LRP1B: variants seen among roughly 807,000 people sequenced by gnomAD.
The protein encoded by LRP1B is LDL receptor related protein 1B.
LRP1B carries 217 observed loss-of-function variants against 556.6 expected under a neutral mutation model. That is an observed-to-expected ratio of 0.39 (90% CI 0.35 to 0.44). The LOEUF (loss-of-function observed/expected upper bound fraction) is 0.44. LRP1B is among the 20% of genes least tolerant of loss of function. The pLI is 1.00. For missense variants in LRP1B, 5,053 were observed against 5,620.8 expected (o/e 0.90, Z 3.23); for synonymous variants, 2,047 against 1,865.8 (o/e 1.10, Z -2.50).
At chr2:141,737,722 A>G (rs534107811) in intron 2 of LRP1B, among the ~76,000 whole-genome samples, 1 of 152,236 alleles carries the variant, frequency 6.6e-6, no homozygotes, top group African/African-American at 2.4e-5. Flanking sequence ...ATTGCTTGTA[A>G]ATCATGTTAG....
intron 3 of LRP1B, among the ~76,000 whole-genome samples, chr2:141,369,110 A>C (rs2105586432): frequency 6.6e-6 from 1 of 152,292 alleles, no homozygotes; most frequent in Admixed American, 6.5e-5. Context: ...AACTAAAATA[A>C]ACATCAGGAC....
intron 86 of LRP1B, among the ~76,000 whole-genome samples, chr2:140,265,575 G>T (rs1179978376): frequency 6.6e-6 from 1 of 151,974 alleles, no homozygotes; most frequent in Non-Finnish European, 1.5e-5. Flanking sequence ...TAGTCCAAAA[G>T]TGCATAAGTT....
intron 23 of LRP1B, among the ~76,000 whole-genome samples, chr2:140,887,321 A>G (rs778838355): frequency 4.6e-5 from 7 of 152,308 alleles, no homozygotes; most frequent in Non-Finnish European, 1.0e-4. Context: ...AAAATTACCT[A>G]ATTTTGGATT....
intron 7 of LRP1B, among the ~76,000 whole-genome samples, chr2:141,179,226 A>G (rs1297229928): frequency 6.6e-6 from 1 of 152,054 alleles, no homozygotes; most frequent in Non-Finnish European, 1.5e-5. Flanking sequence ...CAAACACTTT[A>G]GACAGGTCCC....
At chr2:141,256,261 C>A (rs747584483) in intron 3 of LRP1B, among the ~76,000 whole-genome samples, 58 of 151,676 alleles carry the variant, frequency 3.8e-4, no homozygotes, top group African/African-American at 4.1e-4. Flanking sequence ...AGAATGTAGC[C>A]TAGGTAAAGA....
chr2:140,757,805 T>C (rs774280506), intron 35 of LRP1B, among the ~76,000 whole-genome samples: 1 of 152,078 alleles, frequency 6.6e-6, no homozygotes, highest in Non-Finnish European at 1.5e-5. Context: ...CGCCTGAACC[T>C]GGGAGGCGGA....
chr2:140,612,225 A>G (rs1167861296), intron 41 of LRP1B, among the ~76,000 whole-genome samples: 1 of 152,112 alleles, frequency 6.6e-6, no homozygotes, highest in Admixed American at 6.6e-5. Context: ...ATGAGGTGTA[A>G]TAATTCAGGA....
At chr2:140,714,184 G>A (rs1468788525) in intron 37 of LRP1B, among the ~76,000 whole-genome samples, 2 of 152,144 alleles carry the variant, frequency 1.3e-5, no homozygotes, top group Non-Finnish European at 2.9e-5. Flanking sequence ...GTCTACAAGT[G>A]TCTTTCATAT....
At chr2:141,278,995 T>G (rs912630253) in intron 3 of LRP1B, among the ~76,000 whole-genome samples, 4 of 152,124 alleles carry the variant, frequency 2.6e-5, no homozygotes, top group Non-Finnish European at 5.9e-5. Flanking sequence ...CCTATTTACC[T>G]ATGCAAAAAT....
intron 2 of LRP1B, among the ~76,000 whole-genome samples, chr2:141,579,724 C>CTTT (rs33913417): frequency 0.19 from 19,560 of 100,636 alleles, 3,630 homozygotes; most frequent in East Asian, 0.43. Context: ...TCAGGTTTCA[C>CTTT]TTTTTTTTTT....
chr2:140,624,393 C>T (rs518446), intron 41 of LRP1B, among the ~76,000 whole-genome samples: 76,247 of 151,930 alleles, frequency 0.5, 19,655 homozygotes, highest in African/African-American at 0.62. Context: ...TTTACCATGC[C>T]ATTTGGACCT....
chr2:140,737,233 G>A (rs1248863549), intron 35 of LRP1B, among the ~76,000 whole-genome samples: 1 of 152,156 alleles, frequency 6.6e-6, no homozygotes, highest in Admixed American at 6.5e-5. Context: ...TTACGTAATT[G>A]TGTTGATCCT....
chr2:140,384,233 C>T (rs1306593148), intron 67 of LRP1B, among the ~76,000 whole-genome samples: 2 of 152,120 alleles, frequency 1.3e-5, no homozygotes, highest in Non-Finnish European at 2.9e-5. Flanking sequence ...TCTCAGTTAC[C>T]TCATAGATGA....
At chr2:141,920,446 A>C (rs1377221527) in intron 1 of LRP1B, among the ~76,000 whole-genome samples, 1 of 152,004 alleles carries the variant, frequency 6.6e-6, no homozygotes, top group African/African-American at 2.4e-5. Context: ...GAACAGAAAG[A>C]AGAGAAAGAA....
intron 60 of LRP1B, among the ~76,000 whole-genome samples, chr2:140,463,862 G>A (rs1687424420): frequency 1.3e-5 from 2 of 152,100 alleles, no homozygotes; most frequent in Admixed American, 6.5e-5. Context: ...TTTATACTGG[G>A]ACACTTAAAT....
At chr2:141,545,368 T>C (rs1281918564) in intron 2 of LRP1B, among the ~76,000 whole-genome samples, 1 of 152,210 alleles carries the variant, frequency 6.6e-6, no homozygotes, top group Non-Finnish European at 1.5e-5. Context: ...GTTTGGCCCA[T>C]GGTTTGCATG....
chr2:140,816,199 C>A (rs776811863), intron 31 of LRP1B, among the ~76,000 whole-genome samples: 9 of 151,912 alleles, frequency 5.9e-5, no homozygotes, highest in Non-Finnish European at 1.3e-4. Flanking sequence ...CTCACTACAA[C>A]CTCCACCTCC....
rs1689742579 is a variant in LRP1B at position 140,513,277 on chromosome 2, A to C, written c.8269+1376T>G. On this transcript the variant is annotated intron_variant, in intron 51 of 90. Coordinates refer to ENST00000389484, the MANE Select transcript of LRP1B (RefSeq NM_018557.3). ...CAGATGTGGGAGAAGTCAAGTCTACATGACTTTAGAGACTTTGCCCCTATA... is the reference window on the plus strand; with the variant it reads ...CAGATGTGGGAGAAGTCAAGTCTACCTGACTTTAGAGACTTTGCCCCTATA... Among the ~76,000 whole-genome samples the C allele has an allele frequency of 2.0e-5, 3 of 152,108 alleles. No individual in the cohort carries two copies. The South Asian group carries it at 6.2e-4, about 31-fold the overall frequency.
chr2:141,915,879 A>C (rs781096969), intron 1 of LRP1B, among the ~76,000 whole-genome samples: 3 of 152,216 alleles, frequency 2.0e-5, no homozygotes, highest in Non-Finnish European at 4.4e-5. Flanking sequence ...CGTCAATGAG[A>C]TATCATCTCA....
Sources: gnomAD v4.1 joint callset for allele counts (sites outside exome capture counted in the v4.1 genomes callset) on GRCh38, gnomAD v4.1.1 for gene constraint, MANE v1.5 for transcripts, NCBI Gene and HGNC (gene_info 2026-07-23, HGNC 2026-07-21) for gene names.